The following RBFOX1 variants were observed in gnomAD, a reference collection of about 807,000 sequenced individuals.
The protein encoded by RBFOX1 is RNA binding protein fox-1 homolog 1.
RBFOX1 carries 8 observed loss-of-function variants against 57.7 expected under a neutral mutation model. That is an observed-to-expected ratio of 0.14 (90% CI 0.08 to 0.25). The LOEUF (loss-of-function observed/expected upper bound fraction) is 0.25, where lower values mean the gene tolerates loss of function less well. Ranked by LOEUF, RBFOX1 falls within the 10% of genes least tolerant of loss-of-function variation. RBFOX1 has a pLI of 1.00. For missense variants in RBFOX1, 611 were observed against 548.5 expected, an observed-to-expected ratio of 1.11 and a Z score of -1.14; for synonymous variants, 326 against 222.4, an observed-to-expected ratio of 1.47 and a Z score of -4.15.
chr16:7,175,906 A>G lies in RBFOX1; in HGVS notation c.27+123808A>G, dbSNP rs1405154702. On this transcript the variant is annotated intron_variant, in intron 4 of 15. Coordinates refer to ENST00000550418, the MANE Select transcript of RBFOX1 (RefSeq NM_018723.4). ...TAGCCCTCTGAGCATATAAAGGCCC[A>G]AAGAAACAGACACCAATTCCTCTGC... Among the ~76,000 whole-genome samples the G allele has an allele frequency of 7.2e-5, 11 of 152,118 alleles. 1 individual carries two copies. Among genetic ancestry groups the G allele is most frequent in the Non-Finnish European group, 1.3e-4 (9 of 68,016 alleles).
intron 4 of RBFOX1, among the ~76,000 whole-genome samples, chr16:7,322,576 C>T (rs1186923627): frequency 1.3e-5 from 2 of 152,188 alleles, no homozygotes; most frequent in Non-Finnish European, 2.9e-5. Flanking sequence ...TCACAAGAGC[C>T]ATCAACTCTC....
At chr16:6,066,070 T>A (rs1255335788) in intron 1 of RBFOX1, among the ~76,000 whole-genome samples, 1 of 151,162 alleles carries the variant, frequency 6.6e-6, no homozygotes, top group Non-Finnish European at 1.5e-5. Flanking sequence ...CCGAGGAGGG[T>A]GGATCATGAG....
intron 2 of RBFOX1, among the ~76,000 whole-genome samples, chr16:6,383,748 C>A (rs567677159): frequency 1.3e-5 from 2 of 151,000 alleles, no homozygotes; most frequent in African/African-American, 2.4e-5. Context: ...CCAGCCTGGG[C>A]GACAGTGCGA....
In RBFOX1 at chr16:6,655,403, AG is replaced by A. The variant is rs1250915323; in HGVS notation, c.-16+754del. On this transcript the variant is annotated intron_variant, in intron 3 of 15. Transcript: ENST00000550418. ...AAAAAAAAAAAAAAAAAAAAAAAAAAGAGCTCGCGCTCAATTTCCATCACAA... is the reference window on the plus strand; with the variant it reads ...AAAAAAAAAAAAAAAAAAAAAAAAAAAGCTCGCGCTCAATTTCCATCACAA... 9.7e-4 allele frequency among the ~76,000 whole-genome samples: 124 copies of A among 127,532 alleles called. 2 individuals carry two copies. The highest frequency in any genetic ancestry group is 3.6e-3 in the African/African-American group (117 of 32,764). 83.7% of individuals were successfully genotyped at this position (127,532 alleles called of 152,430 possible).
At position 6,966,931 on chromosome 16, in the gene RBFOX1, CCATCCATT is replaced by C. The variant is rs755474745; in HGVS notation, c.-15-85125_-15-85118del. 1.2e-3 allele frequency among the ~76,000 whole-genome samples: 177 copies of C among 149,578 alleles called. 2 individuals carry two copies. The highest frequency in any genetic ancestry group is 2.6e-3 in the Admixed American group (40 of 15,154). ...TCCATCCATCCATCCATCCATCCAT[CCATCCATT>C]GGCCTACCTATTATCTATTTGCCTA... is the stretch of plus-strand genomic sequence containing the variant. On this transcript the variant is annotated intron_variant, in intron 3 of 15. Transcript: ENST00000550418.
At chr16:6,944,207 C>T (rs1010152314) in intron 3 of RBFOX1, among the ~76,000 whole-genome samples, 1 of 151,764 alleles carries the variant, frequency 6.6e-6, no homozygotes, top group Non-Finnish European at 1.5e-5. Context: ...TCAGCCTGCC[C>T]AACACAGTGA....
At chr16:7,111,934 G>T (rs1215587598) in intron 4 of RBFOX1, among the ~76,000 whole-genome samples, 2 of 152,066 alleles carry the variant, frequency 1.3e-5, no homozygotes. Context: ...ATTCACAATT[G>T]ATAAGCTGAC....
intron 2 of RBFOX1, among the ~76,000 whole-genome samples, chr16:6,335,019 A>G (rs1055295600): frequency 2.6e-5 from 4 of 152,220 alleles, no homozygotes; most frequent in African/African-American, 7.2e-5. Flanking sequence ...TCAGTTGGGA[A>G]TACCTATTAT....
intron 1 of RBFOX1, among the ~76,000 whole-genome samples, chr16:5,399,548 G>T (rs1169855393): frequency 6.6e-6 from 1 of 151,906 alleles, no homozygotes; most frequent in African/African-American, 2.4e-5. Flanking sequence ...ATGCCATCCT[G>T]GGAAACATGG....
intron 2 of RBFOX1, among the ~76,000 whole-genome samples, chr16:6,600,627 G>T (rs987487105): frequency 6.6e-6 from 1 of 152,148 alleles, no homozygotes; most frequent in Admixed American, 6.5e-5. Flanking sequence ...AATCAGAACT[G>T]AAACAGTGGA....
chr16:5,769,646 C>A (rs181532588), intron 3 of RBFOX1, among the ~76,000 whole-genome samples: 12 of 151,918 alleles, frequency 7.9e-5, no homozygotes. Context: ...GAGTGAGACT[C>A]CCTCTCAAAA....
At chr16:5,936,691 C>G (rs931850885) in intron 4 of RBFOX1, among the ~76,000 whole-genome samples, 1 of 152,224 alleles carries the variant, frequency 6.6e-6, no homozygotes, top group African/African-American at 2.4e-5. Flanking sequence ...CTCCACCCAA[C>G]TTCCTACCTC....
At chr16:7,496,541 A>G (rs570930719) in intron 4 of RBFOX1, among the ~76,000 whole-genome samples, 23 of 152,152 alleles carry the variant, frequency 1.5e-4, no homozygotes, top group South Asian at 6.2e-4. Context: ...GGGTGTATAC[A>G]TGAGTTTAAT....
chr16:6,540,529 T>G (rs1334557668), intron 2 of RBFOX1, among the ~76,000 whole-genome samples: 1 of 148,174 alleles, frequency 6.7e-6, no homozygotes, highest in Non-Finnish European at 1.5e-5. Flanking sequence ...GGAAAATCGC[T>G]TGAACCTGGG....
intron 3 of RBFOX1, among the ~76,000 whole-genome samples, chr16:7,021,665 A>T (rs983854992): frequency 1.3e-5 from 2 of 149,140 alleles, no homozygotes; most frequent in Non-Finnish European, 3.0e-5. Flanking sequence ...TATTTCCCTC[A>T]GCCTATTTGC....
intron 4 of RBFOX1, among the ~76,000 whole-genome samples, chr16:7,369,558 A>G (rs2097530522): frequency 1.3e-5 from 2 of 152,182 alleles, no homozygotes; most frequent in Non-Finnish European, 2.9e-5. Context: ...AATCATTTAC[A>G]TAATTAACAT....
chr16:5,343,309 T>TA (rs200783580), intron 1 of RBFOX1, among the ~76,000 whole-genome samples: 1 of 150,816 alleles, frequency 6.6e-6, no homozygotes, highest in Admixed American at 6.6e-5. Context: ...TTTTTTTTTT[T>TA]TTTTTTTTTG....
intron 2 of RBFOX1, among the ~76,000 whole-genome samples, chr16:6,494,611 A>G (rs893448038): frequency 6.6e-6 from 1 of 152,222 alleles, no homozygotes; most frequent in African/African-American, 2.4e-5. Context: ...GTTGGCTTTG[A>G]CCATCACACA....
chr16:6,007,076 C>T (rs1289336203), intron 4 of RBFOX1, among the ~76,000 whole-genome samples: 4 of 152,140 alleles, frequency 2.6e-5, no homozygotes, highest in Non-Finnish European at 5.9e-5. Flanking sequence ...CTCACTGGAA[C>T]CAAGCTTTCT....
Sources: allele counts gnomAD v4.1 joint callset (sites outside exome capture counted in the v4.1 genomes callset), GRCh38; gene constraint gnomAD v4.1.1; transcripts MANE v1.5; gene names NCBI Gene and HGNC (gene_info 2026-07-23, HGNC 2026-07-21).